The following LDHC variants were observed in gnomAD, a reference collection of about 807,000 sequenced individuals.
LDHC encodes lactate dehydrogenase C.
In LDHC, 20 loss-of-function variants were observed where a neutral mutation model predicts 30.2. The observed-to-expected ratio is 0.66, with a 90% CI of 0.47 to 0.96. LDHC has a LOEUF of 0.96. Among genes scored for constraint, LDHC ranks in the 40% least tolerant of loss-of-function variants. The pLI is 0.00. For missense variants in LDHC, 362 were observed against 394.9 expected (o/e 0.92, Z 0.71); for synonymous variants, 139 against 132.7 (o/e 1.05, Z -0.32).
intron 3 of LDHC, among the ~76,000 whole-genome samples, chr11:18,415,841 C>T (rs756071387): frequency 6.6e-6 from 1 of 151,880 alleles, no homozygotes; most frequent in Non-Finnish European, 1.5e-5. Context: ...TACAGGCATG[C>T]GCTACCACAC....
chr11:18,435,075 G>A (rs1565053557), intron 5 of LDHC, among the ~76,000 whole-genome samples, 162 bp downstream of exon 5: 1 of 151,984 alleles, frequency 6.6e-6, no homozygotes, highest in Non-Finnish European at 1.5e-5. Flanking sequence ...TCAATCTTTT[G>A]CATCATTGAT....
chr11:18,430,616 C>T (rs1465554477), intron 4 of LDHC, among the ~76,000 whole-genome samples: 1 of 152,152 alleles, frequency 6.6e-6, no homozygotes, highest in African/African-American at 2.4e-5. Context: ...CTCGCCTTGG[C>T]CTCCTAAAGT....
intron 3 of LDHC, among the ~76,000 whole-genome samples, chr11:18,421,600 G>T (rs1217372839): frequency 1.3e-5 from 2 of 151,074 alleles, no homozygotes; most frequent in Non-Finnish European, 3.0e-5. Context: ...TTTAACCTGG[G>T]AGACGGAGGT....
At chr11:18,427,247 T>C (rs1848176761) in intron 3 of LDHC, among the ~76,000 whole-genome samples, 3 of 151,642 alleles carry the variant, frequency 2.0e-5, no homozygotes, top group African/African-American at 7.3e-5. Flanking sequence ...TCCCAGCTAC[T>C]TGGGAGGCTG....
intron 6 of LDHC, among the ~76,000 whole-genome samples, chr11:18,440,580 G>A (rs1024314796): frequency 6.6e-6 from 1 of 152,106 alleles, no homozygotes; most frequent in Admixed American, 6.6e-5. Flanking sequence ...CAGTGTTAAT[G>A]CACTTAATGC....
chr11:18,446,439 A>G, intron 7 of LDHC, 106 bp downstream of exon 7: 1 of 841,278 alleles, frequency 1.2e-6, no homozygotes, highest in Non-Finnish European at 1.9e-6. Context: ...AATAGTGAAT[A>G]AAAAATACAA....
At chr11:18,425,363 T>C (rs1410217045) in intron 3 of LDHC, among the ~76,000 whole-genome samples, 1 of 152,078 alleles carries the variant, frequency 6.6e-6, no homozygotes, top group African/African-American at 2.4e-5. Flanking sequence ...AGTTAATATT[T>C]TTAATTTTTT....
At position 18,421,927 on chromosome 11, in the gene LDHC, T is replaced by C. The variant is rs367582460; in HGVS notation, c.244+6626T>C. Among the ~76,000 whole-genome samples, 490 of 151,846 alleles carry C rather than the reference T, an allele frequency of 3.2e-3. 5 individuals are homozygous for C. The highest frequency in any genetic ancestry group is 0.011 in the African/African-American group (474 of 41,380). On this transcript the variant is annotated intron_variant, in intron 3 of 7. Coordinates refer to ENST00000541669, the MANE Select transcript of LDHC (RefSeq NM_017448.5). Reference sequence around the variant, plus strand: ...TCATTTGAGGTCAGGAGTTCAAGACTAGCCTGGCCAACATGGTGAAACCCT... The same window carrying C: ...TCATTTGAGGTCAGGAGTTCAAGACCAGCCTGGCCAACATGGTGAAACCCT...
At chr11:18,449,428 TAAAAAAAAAA>T (rs557136321) in intron 7 of LDHC, among the ~76,000 whole-genome samples, 1,302 of 48,432 alleles carry the variant, frequency 0.027, 29 homozygotes, top group Middle Eastern at 0.056. Context: ...CACTGTCTCC[TAAAAAAAAAA>T]AAAAAAAAAA....
At chr11:18,421,599 G>A (rs1305776724) in intron 3 of LDHC, among the ~76,000 whole-genome samples, 1 of 151,904 alleles carries the variant, frequency 6.6e-6, no homozygotes, top group Admixed American at 6.6e-5. Context: ...CTTTAACCTG[G>A]GAGACGGAGG....
chr11:18,417,424 A>G (rs1867043197), intron 3 of LDHC, among the ~76,000 whole-genome samples: 1 of 151,966 alleles, frequency 6.6e-6, no homozygotes, highest in Non-Finnish European at 1.5e-5. Flanking sequence ...TTATTTTTGG[A>G]GACAGTTTCA....
chr11:18,416,008 T>G (rs1389845665), intron 3 of LDHC, among the ~76,000 whole-genome samples: 2 of 152,214 alleles, frequency 1.3e-5, no homozygotes, highest in Non-Finnish European at 2.9e-5. Context: ...CCATATAATT[T>G]AAAAAGTTAA....
chr11:18,448,236 T>C (rs904481059), intron 7 of LDHC, among the ~76,000 whole-genome samples: 3 of 152,024 alleles, frequency 2.0e-5, no homozygotes, highest in Non-Finnish European at 4.4e-5. Context: ...AATATGGGAA[T>C]TTAATAGCCT....
At chr11:18,439,820 A>AG (rs1319598806) in intron 6 of LDHC, among the ~76,000 whole-genome samples, 1 of 142,768 alleles carries the variant, frequency 7.0e-6, no homozygotes, top group East Asian at 2.0e-4. Flanking sequence ...CTAAAAAAAA[A>AG]AAAAAAAAAA....
intron 1 of LDHC, 130 bp from the exon 2 acceptor site, chr11:18,412,579 G>T (rs527537454): frequency 3.8e-6 from 3 of 799,138 alleles, no homozygotes; most frequent in Admixed American, 2.6e-5. Context: ...TACCCTCCCC[G>T]CATCCTTTGA....
intron 6 of LDHC, among the ~76,000 whole-genome samples, chr11:18,445,278 C>T (rs1480691800): frequency 3.3e-5 from 5 of 151,966 alleles, no homozygotes; most frequent in African/African-American, 9.7e-5. Flanking sequence ...AACCTCTGCC[C>T]ACCAGGTTCA....
In LDHC at chr11:18,451,642, A is replaced by G. The variant is rs1848657516; in HGVS notation, c.*515A>G. The stretch of plus-strand genomic sequence containing the variant: ...ATCATTATAAATGCTTATTTTTAAG[A>G]CCATATATATCAAAAAGAAATAAAA... On this transcript the variant is annotated 3_prime_UTR_variant, in exon 8 of 8. Coordinates refer to ENST00000541669, the MANE Select transcript of LDHC (RefSeq NM_017448.5). The G allele has an allele frequency of 1.3e-5, 2 of 152,190 alleles. No individual in the cohort carries two copies. Among genetic ancestry groups the G allele is most frequent in the South Asian group, 4.1e-4 (2 of 4,832 alleles). 9.4% of individuals were successfully genotyped at this position (152,190 alleles called of 1,614,324 possible).
intron 3 of LDHC, among the ~76,000 whole-genome samples, chr11:18,428,366 G>T (rs1195624537): frequency 6.6e-6 from 1 of 151,096 alleles, no homozygotes; most frequent in African/African-American, 2.4e-5. Context: ...AGACATGTTG[G>T]TCAGGCTGGT....
intron 3 of LDHC, among the ~76,000 whole-genome samples, chr11:18,423,042 A>G (rs886276400): frequency 6.6e-6 from 1 of 151,874 alleles, no homozygotes; most frequent in African/African-American, 2.4e-5. Context: ...AAATGAGGGG[A>G]GGCTGGGCGC....
Sources: allele counts gnomAD v4.1 joint callset (sites outside exome capture counted in the v4.1 genomes callset), GRCh38; gene constraint gnomAD v4.1.1; transcripts MANE v1.5; gene names NCBI Gene and HGNC (gene_info 2026-07-23, HGNC 2026-07-21).